Variants in VPS13B observed in about 807,000 individuals in gnomAD.
VPS13B encodes vacuolar protein sorting 13 homolog B, also known as intermembrane lipid transfer protein VPS13B.
Under a neutral mutation model 426.4 loss-of-function variants are expected in VPS13B, and 285 were observed. The ratio of observed to expected loss-of-function variants is 0.67; its 90% confidence interval spans 0.61 to 0.74. The LOEUF (loss-of-function observed/expected upper bound fraction) is 0.74. VPS13B is among the 30% of genes least tolerant of loss of function. The pLI is 0.00. For synonymous variants in VPS13B, 1,676 were observed against 1,676.4 expected (o/e 1.00, Z 0.01); for missense variants, 4,537 against 4,782.6 (o/e 0.95, Z 1.51).
chr8:99,615,950 A>G (rs890675751), intron 33 of VPS13B, among the ~76,000 whole-genome samples: 1 of 152,134 alleles, frequency 6.6e-6, no homozygotes, highest in African/African-American at 2.4e-5. Flanking sequence ...ATAAATATAT[A>G]TATGTAGGTA....
At chr8:99,252,336 G>GCC (rs1817546169) in intron 17 of VPS13B, among the ~76,000 whole-genome samples, 1 of 151,744 alleles carries the variant, frequency 6.6e-6, no homozygotes, top group Non-Finnish European at 1.5e-5. Context: ...GGTCTGTTTA[G>GCC]TTTCCAAATT....
At chr8:99,466,049 G>A (rs1043008224) in intron 23 of VPS13B, among the ~76,000 whole-genome samples, 2 of 152,022 alleles carry the variant, frequency 1.3e-5, no homozygotes, top group Admixed American at 1.3e-4. Context: ...TAAAATATTT[G>A]TAGTATGATC....
At chr8:99,072,231 G>A (rs1331355827) in intron 3 of VPS13B, among the ~76,000 whole-genome samples, 1 of 152,124 alleles carries the variant, frequency 6.6e-6, no homozygotes, top group Non-Finnish European at 1.5e-5. Flanking sequence ...CTAGACCCAC[G>A]GTGAGTACTA....
At position 99,853,467 on chromosome 8, in the gene VPS13B, GT is replaced by G. The variant is rs778380938; in HGVS notation, c.10080del (p.Thr3361HisfsTer9). On this transcript the variant is annotated frameshift_variant, in exon 56 of 62. Transcript: ENST00000357162. LOFTEE classifies it high-confidence loss of function. ...TNTNRAPEKI[V>X]TFKMFITQLS... is the part of the protein sequence containing the mutation. The stretch of plus-strand genomic sequence containing the variant: ...CTCCTCTAGAGCGCCAGAGAAGATT[GT>G]TACATTTAAAATGTTCATCACTCAG... The G allele has an allele frequency of 1.9e-6, 3 of 1,614,068 alleles. No homozygotes were observed. Among genetic ancestry groups the G allele is most frequent in the Non-Finnish European group, 8.5e-7 (1 of 1,180,032 alleles).
At chr8:99,586,972 C>A (rs1218310665) in intron 33 of VPS13B, among the ~76,000 whole-genome samples, 1 of 152,102 alleles carries the variant, frequency 6.6e-6, no homozygotes, top group Non-Finnish European at 1.5e-5. Flanking sequence ...TGCTATCCCT[C>A]CCCCATCCCC....
At chr8:99,744,479 C>T (rs1323824037) in intron 39 of VPS13B, among the ~76,000 whole-genome samples, 1 of 152,070 alleles carries the variant, frequency 6.6e-6, no homozygotes, top group Non-Finnish European at 1.5e-5. Flanking sequence ...GGTATATACC[C>T]AAAGGATTAT....
chr8:99,609,867 A>G (rs1827768229), intron 33 of VPS13B, among the ~76,000 whole-genome samples: 1 of 152,250 alleles, frequency 6.6e-6, no homozygotes, highest in Non-Finnish European at 1.5e-5. Context: ...TAAGGCACTC[A>G]GTATTGCTCT....
At chr8:99,763,258 A>G (rs538948859) in intron 39 of VPS13B, among the ~76,000 whole-genome samples, 7 of 151,878 alleles carry the variant, frequency 4.6e-5, no homozygotes, top group African/African-American at 9.7e-5. Flanking sequence ...TTCAACTTCT[A>G]TACTTCTTTG....
At chr8:99,851,206 CA>C (rs1486691045) in intron 55 of VPS13B, among the ~76,000 whole-genome samples, 1 of 152,176 alleles carries the variant, frequency 6.6e-6, no homozygotes, top group African/African-American at 2.4e-5. Context: ...AGCAAACTTT[CA>C]TGAGAAAGGT....
At chr8:99,583,002 C>T (rs1826146175) in intron 33 of VPS13B, among the ~76,000 whole-genome samples, 1 of 152,220 alleles carries the variant, frequency 6.6e-6, no homozygotes, top group African/African-American at 2.4e-5. Flanking sequence ...AAATCTCTGT[C>T]TTCCCTCTCA....
intron 33 of VPS13B, among the ~76,000 whole-genome samples, chr8:99,614,991 C>T (rs1481949974): frequency 1.3e-5 from 2 of 151,914 alleles, no homozygotes; most frequent in Non-Finnish European, 2.9e-5. Context: ...GCGGCACATG[C>T]CTGTAATCCC....
intron 61 of VPS13B, 106 bp from the exon 62 acceptor site, chr8:99,875,312 G>C: frequency 6.8e-7 from 1 of 1,462,652 alleles, no homozygotes; most frequent in Non-Finnish European, 9.5e-7. Flanking sequence ...TTTAATAGAT[G>C]ACCTAAAAGG....
intron 29 of VPS13B, among the ~76,000 whole-genome samples, chr8:99,514,315 T>C (rs990456564): frequency 6.6e-6 from 1 of 152,232 alleles, no homozygotes; most frequent in African/African-American, 2.4e-5. Flanking sequence ...TAACAAATTT[T>C]CTACTTTAAT....
chr8:99,462,863 A>T (rs542108899), intron 23 of VPS13B, among the ~76,000 whole-genome samples: 1 of 152,270 alleles, frequency 6.6e-6, no homozygotes, highest in African/African-American at 2.4e-5. Context: ...AAGGTTATCT[A>T]ATTGTTTTCC....
chr8:99,482,701 A>G (rs1006747760), intron 25 of VPS13B, among the ~76,000 whole-genome samples: 1 of 152,200 alleles, frequency 6.6e-6, no homozygotes, highest in Non-Finnish European at 1.5e-5. Flanking sequence ...TGGAACTTCT[A>G]GTGTATATTG....
intron 22 of VPS13B, 94 bp from the exon 23 acceptor site, chr8:99,442,307 A>C (rs1303522513): frequency 9.6e-7 from 1 of 1,040,760 alleles, no homozygotes; most frequent in East Asian, 2.5e-5. Flanking sequence ...TGGAACATTT[A>C]CTTTTTTTGG....
intron 30 of VPS13B, among the ~76,000 whole-genome samples, chr8:99,538,988 T>C (rs1823408559): frequency 6.6e-6 from 1 of 152,198 alleles, no homozygotes; most frequent in South Asian, 2.1e-4. Context: ...ATTTTTTATG[T>C]CCTCAGTGTA....
chr8:99,623,994 CAT>C (rs770947718), intron 33 of VPS13B, among the ~76,000 whole-genome samples: 5 of 53,934 alleles, frequency 9.3e-5, no homozygotes, highest in Non-Finnish European at 9.5e-5. Flanking sequence ...ATGAAACATA[CAT>C]ATATATATAT....
intron 19 of VPS13B, among the ~76,000 whole-genome samples, chr8:99,368,177 A>G (rs528664576): frequency 1.2e-4 from 18 of 152,356 alleles, no homozygotes; most frequent in Admixed American, 9.8e-4. Flanking sequence ...TGCTGAAGAA[A>G]GAGACATATG....
Sources: allele counts gnomAD v4.1 joint callset (sites outside exome capture counted in the v4.1 genomes callset), GRCh38; gene constraint gnomAD v4.1.1; transcripts MANE v1.5; gene names NCBI Gene and HGNC (gene_info 2026-07-23, HGNC 2026-07-21).